CCDC13: variants seen among roughly 807,000 people sequenced by gnomAD.
CCDC13 encodes the protein coiled-coil domain-containing protein 13.
A neutral mutation model predicts 87.3 loss-of-function variants in CCDC13; 70 were observed. The ratio of observed to expected loss-of-function variants is 0.80; its 90% CI spans 0.66 to 0.98. CCDC13 has a LOEUF of 0.98. Ranked by LOEUF, CCDC13 falls within the 50% of genes least tolerant of loss-of-function variation. The pLI is 0.00. For missense variants in CCDC13, 842 were observed against 892.0 expected, an observed-to-expected ratio of 0.94 and a Z score of 0.71; for synonymous variants, 317 against 360.3, an observed-to-expected ratio of 0.88 and a Z score of 1.36.
rs759833460 is a variant in CCDC13, at chr3:42,733,615, G to A, written c.1372-6C>T. ...ACTCCTTTATTCCGAAGATACTGTAGGAACAGATGTGGGTTCCATCCTCAG... is the reference window on the plus strand; with the variant it reads ...ACTCCTTTATTCCGAAGATACTGTAAGAACAGATGTGGGTTCCATCCTCAG... On this transcript the variant is annotated splice_region_variant and splice_polypyrimidine_tract_variant and intron_variant, in intron 10 of 15. Coordinates refer to ENST00000310232, the MANE Select transcript of CCDC13 (RefSeq NM_144719.4). The A allele has an allele frequency of 2.5e-6, 4 of 1,596,436 alleles. No homozygotes were observed. The highest frequency in any genetic ancestry group is 1.7e-6 in the Non-Finnish European group (2 of 1,170,748).
intron 3 of CCDC13, among the ~76,000 whole-genome samples, chr3:42,754,029 C>A (rs923547637): frequency 6.6e-6 from 1 of 152,156 alleles, no homozygotes; most frequent in African/African-American, 2.4e-5. Flanking sequence ...GAGTGCAGCT[C>A]CCCTATCTGT....
At chr3:42,755,972 G>A (rs1379012148) in intron 3 of CCDC13, among the ~76,000 whole-genome samples, 1 of 152,166 alleles carries the variant, frequency 6.6e-6, no homozygotes, top group Non-Finnish European at 1.5e-5. Flanking sequence ...GGCTTCCTTA[G>A]CCAGGCTTTG....
intron 13 of CCDC13, among the ~76,000 whole-genome samples, chr3:42,721,519 G>T (rs1698559367): frequency 6.6e-6 from 1 of 152,146 alleles, no homozygotes; most frequent in African/African-American, 2.4e-5. Context: ...CCTTTGTTTT[G>T]TTTTTCAGAG....
At chr3:42,704,893 C>A (rs771542098), downstream of CCDC13, 1 of 152,216 alleles carries the variant, frequency 6.6e-6, no homozygotes, top group South Asian at 2.1e-4. Context: ...AAATCTGAGT[C>A]CCTTTTCAAT....
intron 7 of CCDC13, chr3:42,745,342 GTTA>G (rs1699363642): frequency 6.6e-6 from 1 of 152,402 alleles, no homozygotes; most frequent in African/African-American, 2.4e-5. Flanking sequence ...GGTAGGCATC[GTTA>G]TTATCCCCAT....
At chr3:42,738,099 G>T (rs1699087226) in intron 9 of CCDC13, among the ~76,000 whole-genome samples, 1 of 152,182 alleles carries the variant, frequency 6.6e-6, no homozygotes, top group Admixed American at 6.5e-5. Flanking sequence ...AAGGTGTAAG[G>T]AAGGGATCCA....
rs749203699 is a variant in CCDC13 at position 42,735,931 on chromosome 3, A to AGG, written c.1165-20_1165-19dup. 6.2e-7 allele frequency: 1 copy of AGG among 1,607,116 alleles called. No homozygotes were observed. The highest frequency in any genetic ancestry group is 1.3e-5 in the African/African-American group (1 of 74,812). On this transcript the variant is annotated intron_variant, in intron 9 of 15. Coordinates refer to ENST00000310232, the MANE Select transcript of CCDC13 (RefSeq NM_144719.4). ...AGCTGGTCCTGGGGGGCCAGGCAGG[A>AGG]GGGCAGGTGGAGTCAGTCATGGCCC...
chr3:42,746,389 T>C, intron 6 of CCDC13: 1 of 230,260 alleles, frequency 4.3e-6, no homozygotes, highest in Non-Finnish European at 8.7e-6. Flanking sequence ...TAATTCTGGC[T>C]ATAGGAAGTA....
In CCDC13 at chr3:42,708,968, T is replaced by G. The variant is rs1698237433; in HGVS notation, c.*12A>C. ...GCTGCCCACCCGGCCAGGCCGACAC[T>G]GGGCTGTCATCCTATTGCTTGCCTG... On this transcript the variant is annotated 3_prime_UTR_variant, in exon 16 of 16. Coordinates refer to ENST00000310232, the MANE Select transcript of CCDC13 (RefSeq NM_144719.4). 6.2e-7 allele frequency: 1 copy of G among 1,606,824 alleles called. No individual in the cohort carries two copies. Among genetic ancestry groups the G allele is most frequent in the Non-Finnish European group, 8.5e-7 (1 of 1,176,560 alleles).
intron 1 of CCDC13, among the ~76,000 whole-genome samples, chr3:42,765,474 C>T (rs547321341): frequency 2.0e-5 from 3 of 152,276 alleles, no homozygotes; most frequent in South Asian, 2.1e-4. Flanking sequence ...GGCACGATCT[C>T]GGCTCACAGC....
rs566824067 is a variant in CCDC13, at chr3:42,741,548, C to A, written c.987+1348G>T. On this transcript the variant is annotated intron_variant, in intron 8 of 15. Coordinates refer to ENST00000310232, the MANE Select transcript of CCDC13 (RefSeq NM_144719.4). The stretch of plus-strand genomic sequence containing the variant: ...CGTTAGGAATTTGAGACCAGCCTGA[C>A]CAACACAGTGAAACCCTGTCTCTAC... Among the ~76,000 whole-genome samples, 4 of 152,194 alleles carry A rather than the reference C, an allele frequency of 2.6e-5. No individual in the cohort carries two copies. The South Asian group carries it at 6.2e-4, about 24-fold the overall frequency.
At chr3:42,704,824 T>C (rs1482249723), downstream of CCDC13, 1 of 152,222 alleles carries the variant, frequency 6.6e-6, no homozygotes, top group African/African-American at 2.4e-5. Context: ...GGGGCCAGCT[T>C]CCCAAATGCC....
At chr3:42,719,922 T>C (rs898326181) in intron 13 of CCDC13, among the ~76,000 whole-genome samples, 9 of 152,358 alleles carry the variant, frequency 5.9e-5, no homozygotes, top group African/African-American at 2.2e-4. Flanking sequence ...CATAATGTCT[T>C]TTAGTTCCTG....
chr3:42,725,017 G>A lies in CCDC13; in HGVS notation c.1718+5450C>T, dbSNP rs534011692. Among the ~76,000 whole-genome samples, 6 of 152,118 alleles carry A rather than the reference G, an allele frequency of 3.9e-5. No homozygotes were observed. The East Asian group carries it at 9.7e-4, about 25-fold the overall frequency. On this transcript the variant is annotated intron_variant, in intron 13 of 15. Transcript: ENST00000310232. ...AAAAATATAAACAACTCTAAAACAT[G>A]TGCAATGGCATGAATAGGTAGTTAA...
At chr3:42,719,370 A>G in intron 13 of CCDC13, 1 of 146,542 alleles carries the variant, frequency 6.8e-6, no homozygotes, top group Non-Finnish European at 1.5e-5. Flanking sequence ...ACTCTGCCTC[A>G]GGCAGTGCTT....
chr3:42,739,493 G>A, intron 9 of CCDC13, 141 bp downstream of exon 9: 1 of 891,672 alleles, frequency 1.1e-6, no homozygotes, highest in Non-Finnish European at 1.7e-6. Flanking sequence ...TTTGGTACTG[G>A]GGGCCATCTG....
intron 12 of CCDC13, among the ~76,000 whole-genome samples, chr3:42,732,047 A>T (rs1698847565): frequency 6.6e-6 from 1 of 152,202 alleles, no homozygotes. Flanking sequence ...AAAACCTCAG[A>T]GAGGCAGAGC....
intron 6 of CCDC13, 31 bp from the exon 7 acceptor site, chr3:42,746,058 A>C: frequency 6.5e-7 from 1 of 1,532,500 alleles, no homozygotes; most frequent in South Asian, 1.1e-5. Flanking sequence ...CAATGTGGCC[A>C]AAAGAGAGGG....
intron 1 of CCDC13, among the ~76,000 whole-genome samples, chr3:42,759,463 C>T (rs999937994): frequency 3.3e-5 from 5 of 152,330 alleles, no homozygotes; most frequent in Middle Eastern, 3.4e-3. Flanking sequence ...AATCCCAATC[C>T]CAATCCCAGG....
Sources: allele counts gnomAD v4.1 joint callset (sites outside exome capture counted in the v4.1 genomes callset), GRCh38; gene constraint gnomAD v4.1.1; transcripts MANE v1.5; gene names NCBI Gene and HGNC (gene_info 2026-07-23, HGNC 2026-07-21).